NXF2B: variants seen among roughly 807,000 people sequenced by gnomAD.
NXF2B encodes nuclear RNA export factor 2.
At chrX:102,404,851 G>A (rs1472740839) in intron 2 of NXF2B, among the ~76,000 whole-genome samples, 1 of 12,974 alleles carries the variant, frequency 7.7e-5, no homozygotes, top group East Asian at 2.1e-3. Flanking sequence ...CCAACAGAGG[G>A]AGCATTTAAA....
chrX:102,398,262 A>C (rs1441530866), intron 2 of NXF2B, among the ~76,000 whole-genome samples: 1 of 50,802 alleles, frequency 2.0e-5, no homozygotes, highest in African/African-American at 8.9e-5. Context: ...AAGTCAAAAA[A>C]TAATAGATGT....
At chrX:102,392,583 G>A (rs1258612658) in intron 2 of NXF2B, among the ~76,000 whole-genome samples, 2 of 82,849 alleles carry the variant, frequency 2.4e-5, no homozygotes, top group Admixed American at 1.2e-4. Context: ...AACAGTCTGC[G>A]TTAGACTATC....
intron 2 of NXF2B, among the ~76,000 whole-genome samples, chrX:102,412,516 GA>G (rs1175061942): frequency 0.023 from 7 of 298 alleles, 3 homozygotes; most frequent in Non-Finnish European, 0.054. Context: ...AGAAGAAGAA[GA>G]AGAAGAAGAA....
chrX:102,404,879 G>C (rs1934349565), intron 2 of NXF2B, among the ~76,000 whole-genome samples: 1 of 23,148 alleles, frequency 4.3e-5, no homozygotes, highest in Non-Finnish European at 7.4e-5. Flanking sequence ...TAGCCAGAGG[G>C]GAATCACTGA....
At chrX:102,377,148 TTGTGTGTG>T (rs781891878) in intron 1 of NXF2B, among the ~76,000 whole-genome samples, 1,011 of 54,191 alleles carry the variant, frequency 0.019, 5 homozygotes, top group African/African-American at 0.062. Context: ...GAGAGTGTAT[TTGTGTGTG>T]TGTGTGTGTG....
chrX:102,377,193 AGAGC>A (rs1934242073), intron 1 of NXF2B, among the ~76,000 whole-genome samples: 1 of 73,832 alleles, frequency 1.4e-5, no homozygotes, highest in Non-Finnish European at 2.5e-5. Flanking sequence ...TGAGAGAGAG[AGAGC>A]GAGAGAGAGA....
chrX:102,386,126 T>A (rs1934266464), intron 2 of NXF2B, among the ~76,000 whole-genome samples: 1 of 106,518 alleles, frequency 9.4e-6, no homozygotes, highest in Non-Finnish European at 2.1e-5. Context: ...TTTGTATTTT[T>A]AGTAGAGATA....
intron 1 of NXF2B, among the ~76,000 whole-genome samples, chrX:102,376,859 CAGG>C (rs1261827244): frequency 5.5e-5 from 5 of 91,540 alleles, no homozygotes; most frequent in Admixed American, 1.3e-4. Flanking sequence ...GCTGCACAGC[CAGG>C]AGAAGTCCAC....
chrX:102,412,507 GAA>G (rs1313084014), intron 2 of NXF2B, among the ~76,000 whole-genome samples: 7 of 202 alleles, frequency 0.035, 3 homozygotes, highest in Non-Finnish European at 0.069. Flanking sequence ...AGAAGAAGAA[GAA>G]GAAGAAGAAG....
chrX:102,432,675 G>A (rs1264855564), intron 2 of NXF2B, among the ~76,000 whole-genome samples: 1 of 63,040 alleles, frequency 1.6e-5, no homozygotes, highest in Admixed American at 1.3e-4. Context: ...AAAACAGTAT[G>A]GAGGTACCTA....
At chrX:102,397,175 A>G (rs1218432463) in intron 2 of NXF2B, among the ~76,000 whole-genome samples, 1 of 73,461 alleles carries the variant, frequency 1.4e-5, no homozygotes, top group Non-Finnish European at 2.6e-5. Flanking sequence ...CAGAATTGGA[A>G]AAAACTACTG....
At chrX:102,435,647 C>T (rs1934472732) in intron 2 of NXF2B, among the ~76,000 whole-genome samples, 1 of 37,625 alleles carries the variant, frequency 2.7e-5, no homozygotes, top group African/African-American at 8.7e-5. Context: ...CCAGTACAAT[C>T]CTTCTGGAGA....
intron 2 of NXF2B, among the ~76,000 whole-genome samples, chrX:102,412,594 G>GGAAGAAGAAGAAGAAGAAGAAGAAGAA (rs1251891728): frequency 4.0e-4 from 2 of 4,963 alleles, no homozygotes; most frequent in South Asian, 0.013. Flanking sequence ...AAGAGGAAGA[G>GGAAGAAGAAGAAGAAGAAGAAGAAGAA]GAAGAAGAAG....
upstream of NXF2B, chrX:102,439,939 C>T (rs1453792883): frequency 1.9e-4 from 1 of 5,375 alleles, no homozygotes; most frequent in African/African-American, 1.6e-3. Context: ...ACAAACAAGA[C>T]GCAATCTTGT....
chrX:102,392,582 C>A (rs1201535217), intron 2 of NXF2B, among the ~76,000 whole-genome samples: 1 of 83,347 alleles, frequency 1.2e-5, no homozygotes, highest in Non-Finnish European at 2.5e-5. Flanking sequence ...AAACAGTCTG[C>A]GTTAGACTAT....
chrX:102,433,183 C>G (rs1254636073), intron 2 of NXF2B, among the ~76,000 whole-genome samples: 1 of 66,360 alleles, frequency 1.5e-5, no homozygotes, highest in African/African-American at 6.0e-5. Context: ...TTATCAGGGT[C>G]GGGGTGGGGA....
At chrX:102,405,043 A>C (rs1934351045) in intron 2 of NXF2B, among the ~76,000 whole-genome samples, 1 of 62,368 alleles carries the variant, frequency 1.6e-5, no homozygotes, top group Non-Finnish European at 3.0e-5. Context: ...GCACTCTGGG[A>C]GGCTGAGGCG....
At chrX:102,398,285 G>A (rs1934340529) in intron 2 of NXF2B, among the ~76,000 whole-genome samples, 1 of 43,150 alleles carries the variant, frequency 2.3e-5, no homozygotes, top group Non-Finnish European at 4.0e-5. Flanking sequence ...GAGTGGATGT[G>A]GTGAAAAGGG....
At chrX:102,438,309 G>A (rs1303795631) in intron 2 of NXF2B, among the ~76,000 whole-genome samples, 4 of 18,484 alleles carry the variant, frequency 2.2e-4, no homozygotes, top group African/African-American at 3.7e-4. Flanking sequence ...TCTACCTGGC[G>A]TGAGGTGCCC....
Sources: allele counts gnomAD v4.1 joint callset (sites outside exome capture counted in the v4.1 genomes callset), GRCh38; gene constraint gnomAD v4.1.1; transcripts MANE v1.5; gene names NCBI Gene and HGNC (gene_info 2026-07-23, HGNC 2026-07-21).